TRIM33: variants seen among roughly 807,000 people sequenced by gnomAD.
TRIM33 encodes the protein E3 ubiquitin-protein ligase TRIM33.
Under a neutral mutation model 125.4 loss-of-function variants are expected in TRIM33, and 20 were observed. The ratio of observed to expected loss-of-function variants is 0.16; its 90% CI spans 0.11 to 0.23. The LOEUF (loss-of-function observed/expected upper bound fraction) is 0.23, where lower values mean the gene tolerates loss of function less well. TRIM33 is among the 10% of genes least tolerant of loss of function. The pLI, the probability that TRIM33 is intolerant of heterozygous loss-of-function variation, is 1.00. For missense variants in TRIM33, 920 were observed against 1,411.4 expected, an observed-to-expected ratio of 0.65 and a Z score of 5.58; for synonymous variants, 564 against 513.9, an observed-to-expected ratio of 1.10 and a Z score of -1.32.
chr1:114,481,639 ATGTG>A (rs535478935), intron 1 of TRIM33, among the ~76,000 whole-genome samples: 37 of 142,408 alleles, frequency 2.6e-4, no homozygotes, highest in Middle Eastern at 3.6e-3. Context: ...CTATATATAT[ATGTG>A]TGTGTGTGTG....
intron 4 of TRIM33, among the ~76,000 whole-genome samples, chr1:114,443,385 AAATGAATG>A (rs372157103): frequency 4.6e-4 from 69 of 149,974 alleles, no homozygotes; most frequent in Admixed American, 2.1e-3. Context: ...CTCCATCTCA[AAATGAATG>A]AATGAATGAA....
At chr1:114,403,310 CT>C (rs1557842435) in intron 15 of TRIM33, among the ~76,000 whole-genome samples, 1 of 152,126 alleles carries the variant, frequency 6.6e-6, no homozygotes, top group Non-Finnish European at 1.5e-5. Flanking sequence ...TAAATCAGTT[CT>C]TTTTTCGTGG....
intron 4 of TRIM33, among the ~76,000 whole-genome samples, chr1:114,444,114 T>C (rs1648826413): frequency 6.6e-6 from 1 of 152,152 alleles, no homozygotes; most frequent in Non-Finnish European, 1.5e-5. Flanking sequence ...AACAGGGGGC[T>C]AGAGGCGAAG....
Position 114,405,667 on chromosome 1 carries a change from A to C in TRIM33, c.2511T>G (p.His837Gln). 2 of 1,614,160 alleles carry C rather than the reference A, an allele frequency of 1.2e-6. No homozygotes were observed. The highest frequency in any genetic ancestry group is 1.7e-6 in the Non-Finnish European group (2 of 1,180,018). ...ELDALASLEN[H>Q]VKIEPADMNE... ...TCATATCTGCAGGTTCAATTTTCACATGGTTTTCCAGGCTTGCCAATGCAT... is the reference window on the plus strand; with the variant it reads ...TCATATCTGCAGGTTCAATTTTCACCTGGTTTTCCAGGCTTGCCAATGCAT... Residue 837 changes from histidine (H) to glutamine (Q), a missense_variant, in exon 15 of 20, where the codon CAT becomes CAG. Around this residue, in one of 8 missense-constraint regions of TRIM33, gnomAD observed 407 missense variants for 589.7 expected, o/e 0.69. Coordinates refer to ENST00000358465, the MANE Select transcript of TRIM33 (RefSeq NM_015906.4).
At chr1:114,481,091 G>T (rs1651303909) in intron 1 of TRIM33, among the ~76,000 whole-genome samples, 1 of 152,024 alleles carries the variant, frequency 6.6e-6, no homozygotes, top group Non-Finnish European at 1.5e-5. Context: ...AGAATAGCTT[G>T]AACCCCAGGA....
chr1:114,455,875 CAG>C (rs1291356109), intron 4 of TRIM33, among the ~76,000 whole-genome samples: 3 of 152,126 alleles, frequency 2.0e-5, no homozygotes, highest in African/African-American at 7.2e-5. Flanking sequence ...AAGATGAAGA[CAG>C]AGAGGTCAAC....
chr1:114,406,854 C>T, intron 14 of TRIM33, 87 bp downstream of exon 14: 2 of 1,289,584 alleles, frequency 1.6e-6, no homozygotes, highest in Non-Finnish European at 2.1e-6. Flanking sequence ...GTTTCTAGAC[C>T]CACTACTTAG....
chr1:114,438,485 A>G (rs1423809693), intron 4 of TRIM33, among the ~76,000 whole-genome samples: 1 of 152,242 alleles, frequency 6.6e-6, no homozygotes, highest in Non-Finnish European at 1.5e-5. Context: ...AACTCCAAAC[A>G]TCATACTTTA....
chr1:114,479,983 C>T (rs1320718272), intron 1 of TRIM33, among the ~76,000 whole-genome samples: 2 of 152,152 alleles, frequency 1.3e-5, no homozygotes, highest in Admixed American at 6.5e-5. Flanking sequence ...GGAGGTGTAC[C>T]CAACAGCTCA....
At chr1:114,436,181 T>A (rs1335213613) in intron 4 of TRIM33, among the ~76,000 whole-genome samples, 3 of 151,576 alleles carry the variant, frequency 2.0e-5, no homozygotes, top group Non-Finnish European at 4.4e-5. Context: ...GGCAGGTGGA[T>A]AACGAGGTCA....
At position 114,401,369 on chromosome 1, in the gene TRIM33, T is replaced by C; in HGVS notation, c.2967+20A>G. 1 of 1,606,788 alleles carries C rather than the reference T, an allele frequency of 6.2e-7. No individual in the cohort carries two copies. Among genetic ancestry groups the C allele is most frequent in the Non-Finnish European group, 8.5e-7 (1 of 1,174,666 alleles). ...GTATTATGAGACTTCCCCACCGAGC[T>C]ACTAAGGTAGGCAACTCACCGAAGC... On this transcript the variant is annotated intron_variant, in intron 17 of 19. Transcript: ENST00000358465.
Position 114,510,962 on chromosome 1 carries a change from T to C in TRIM33, c.115A>G (p.Thr39Ala). The change falls in exon 1 of 20, where the codon ACC becomes GCC. Residue 39 changes from threonine to alanine, a missense_variant. Thr to Ala is a moderately conservative substitution (Grantham distance 58). Transcript: ENST00000358465. ...PAAQEAEPPL[T>A]AVLVEEEEEE... ...TCCTCCTCCTCCACCAGCACCGCGG[T>C]GAGAGGCGGCTCCGCCTCCTGCGCG... 2 of 1,383,760 alleles carry C rather than the reference T, an allele frequency of 1.4e-6. No individual in the cohort carries two copies. Among genetic ancestry groups the C allele is most frequent in the Non-Finnish European group, 1.9e-6 (2 of 1,069,412 alleles). The allele number at this position is 1,383,760 out of a possible 1,614,324, so 85.7% of individuals were successfully genotyped here. A position where few individuals can be genotyped will look rare whatever the true frequency, so the allele number is the denominator to read the frequency against.
chr1:114,449,104 T>C (rs1298360486), intron 4 of TRIM33, among the ~76,000 whole-genome samples: 1 of 151,950 alleles, frequency 6.6e-6, no homozygotes, highest in African/African-American at 2.4e-5. Flanking sequence ...TGAGAGGTTA[T>C]GGGTGATGAC....
Position 114,410,177 on chromosome 1 carries a change from G to A in TRIM33, c.2194+7C>T. The A allele has an allele frequency of 1.2e-6, 2 of 1,613,856 alleles. No individual in the cohort carries two copies. The highest frequency in any genetic ancestry group is 1.1e-5 in the South Asian group (1 of 91,072). ...TTAAAAAATAAGGTAATACCCGTTT[G>A]CTTTACCTGATGATCCCGGAGAAAG... On this transcript the variant is annotated splice_region_variant and intron_variant, in intron 12 of 19. Coordinates refer to ENST00000358465, the MANE Select transcript of TRIM33 (RefSeq NM_015906.4).
intron 1 of TRIM33, among the ~76,000 whole-genome samples, chr1:114,467,677 A>T (rs1557882958): frequency 6.6e-6 from 1 of 152,194 alleles, no homozygotes; most frequent in Non-Finnish European, 1.5e-5. Flanking sequence ...AACAAACACA[A>T]GTCAAACAAG....
chr1:114,472,825 T>C (rs1650732944), intron 1 of TRIM33, among the ~76,000 whole-genome samples: 1 of 151,996 alleles, frequency 6.6e-6, no homozygotes, highest in African/African-American at 2.4e-5. Context: ...ACTGTTACAA[T>C]TAAACTGTTA....
intron 1 of TRIM33, among the ~76,000 whole-genome samples, chr1:114,478,521 G>A (rs572150472): frequency 6.6e-6 from 1 of 151,968 alleles, no homozygotes; most frequent in South Asian, 2.1e-4. Flanking sequence ...CATACCAAAG[G>A]GAGACACAAG....
At chr1:114,456,522 CAT>C (rs1184891588) in intron 4 of TRIM33, among the ~76,000 whole-genome samples, 1 of 152,092 alleles carries the variant, frequency 6.6e-6, no homozygotes, top group East Asian at 1.9e-4. Flanking sequence ...GTACAAAAAA[CAT>C]ATAAAATATA....
intron 1 of TRIM33, among the ~76,000 whole-genome samples, chr1:114,508,327 A>G (rs917007482): frequency 5.9e-5 from 9 of 152,128 alleles, no homozygotes; most frequent in African/African-American, 2.2e-4. Context: ...CAATTTCATA[A>G]CCTCAGTCCC....
Sources: gnomAD v4.1 joint callset for allele counts (sites outside exome capture counted in the v4.1 genomes callset) on GRCh38, gnomAD v4.1.1 for gene constraint, gnomAD v4.1.1 regional missense constraint, MANE v1.5 for transcripts, NCBI Gene and HGNC (gene_info 2026-07-23, HGNC 2026-07-21) for gene names.